Variants in GNAQ observed in about 807,000 individuals in gnomAD.
The protein encoded by GNAQ is guanine nucleotide-binding protein G(q) subunit alpha.
In GNAQ, 8 loss-of-function variants were observed where a neutral mutation model predicts 43.9. The ratio of observed to expected loss-of-function variants is 0.18; its 90% CI spans 0.11 to 0.33. The LOEUF (loss-of-function observed/expected upper bound fraction) is 0.33, where lower values mean the gene tolerates loss of function less well. GNAQ is among the 10% of genes least tolerant of loss of function. The probability of loss-of-function intolerance (pLI) is 1.00; values close to 1 mark genes in which losing one functional copy is unlikely to be tolerated. For synonymous variants in GNAQ, 155 were observed against 170.7 expected (o/e 0.91, Z 0.71); for missense variants, 158 against 450.8 (o/e 0.35, Z 5.88).
chr9:77,726,399 T>C (rs1825397126), intron 6 of GNAQ, among the ~76,000 whole-genome samples: 1 of 152,228 alleles, frequency 6.6e-6, no homozygotes, highest in Non-Finnish European at 1.5e-5. Context: ...ACCTTCAGGA[T>C]CTTACATGTA....
At chr9:77,737,996 A>G (rs1345533257) in intron 5 of GNAQ, among the ~76,000 whole-genome samples, 2 of 152,152 alleles carry the variant, frequency 1.3e-5, no homozygotes, top group African/African-American at 4.8e-5. Context: ...TTTTTTGAGT[A>G]TCACTAGTGA....
chr9:77,760,808 CT>C (rs1825990503), intron 5 of GNAQ, among the ~76,000 whole-genome samples: 1 of 151,386 alleles, frequency 6.6e-6, no homozygotes, highest in African/African-American at 2.4e-5. Flanking sequence ...TGAGGAGCGT[CT>C]CTGCCCAGCC....
At chr9:77,867,513 T>C (rs887781496) in intron 2 of GNAQ, among the ~76,000 whole-genome samples, 2 of 152,216 alleles carry the variant, frequency 1.3e-5, no homozygotes, top group African/African-American at 2.4e-5. Flanking sequence ...TATTAAGTGA[T>C]TGATTTAAAA....
intron 5 of GNAQ, among the ~76,000 whole-genome samples, chr9:77,784,486 T>C (rs1361797827): frequency 6.6e-6 from 1 of 152,178 alleles, no homozygotes; most frequent in African/African-American, 2.4e-5. Context: ...TTTCAGTGTA[T>C]TCAGAATTGA....
intron 1 of GNAQ, among the ~76,000 whole-genome samples, chr9:78,026,172 A>C (rs1823977396): frequency 6.6e-6 from 1 of 152,204 alleles, no homozygotes; most frequent in African/African-American, 2.4e-5. Flanking sequence ...ATGTGAATAG[A>C]TAAACCTGCA....
intron 2 of GNAQ, among the ~76,000 whole-genome samples, chr9:77,855,100 C>A (rs554888690): frequency 9.9e-5 from 15 of 152,124 alleles, no homozygotes; most frequent in South Asian, 4.1e-4. Flanking sequence ...TTGTTTCAAG[C>A]CTTAAAGAAA....
intron 2 of GNAQ, among the ~76,000 whole-genome samples, chr9:77,906,729 T>A (rs563253006): frequency 6.6e-6 from 1 of 152,378 alleles, no homozygotes; most frequent in East Asian, 1.9e-4. Flanking sequence ...TTCCACTAAT[T>A]GCAAATATTA....
chr9:77,865,522 G>T (rs369344806), intron 2 of GNAQ, among the ~76,000 whole-genome samples: 2 of 152,186 alleles, frequency 1.3e-5, no homozygotes, highest in African/African-American at 4.8e-5. Flanking sequence ...AGTCCATGGA[G>T]CTGTTATATG....
chr9:77,991,977 A>G (rs1823513598), intron 1 of GNAQ, among the ~76,000 whole-genome samples: 1 of 152,214 alleles, frequency 6.6e-6, no homozygotes, highest in African/African-American at 2.4e-5. Flanking sequence ...GCTAATGGGC[A>G]TTAAGGCTGG....
Position 77,815,598 on chromosome 9 carries a change from A to G in GNAQ, c.476+18T>C. ...AGTAAAGAGAAAAATCCATAGGGCCACCTGGAAAGATACTCACTATTTGGT... is the reference window on the plus strand; with the variant it reads ...AGTAAAGAGAAAAATCCATAGGGCCGCCTGGAAAGATACTCACTATTTGGT... On this transcript the variant is annotated intron_variant, in intron 3 of 6. Transcript: ENST00000286548. 1 of 1,561,588 alleles carries G rather than the reference A, an allele frequency of 6.4e-7. No homozygotes were observed.
At chr9:77,766,052 ATGG>A (rs1404896292) in intron 5 of GNAQ, among the ~76,000 whole-genome samples, 1 of 152,220 alleles carries the variant, frequency 6.6e-6, no homozygotes, top group East Asian at 1.9e-4. Context: ...TAGAGATAGA[ATGG>A]TGGTTGTGGG....
At chr9:77,769,933 T>C (rs1353581760) in intron 5 of GNAQ, among the ~76,000 whole-genome samples, 1 of 152,140 alleles carries the variant, frequency 6.6e-6, no homozygotes, top group Non-Finnish European at 1.5e-5. Flanking sequence ...CCCAAAGTGC[T>C]GGGATTACAG....
chr9:77,811,722 A>T (rs1157332832), intron 3 of GNAQ, among the ~76,000 whole-genome samples: 2 of 152,190 alleles, frequency 1.3e-5, no homozygotes, highest in African/African-American at 4.8e-5. Flanking sequence ...GACGGTGAAG[A>T]ATAAAGTAAG....
chr9:78,022,407 T>C (rs1426721804), intron 1 of GNAQ, among the ~76,000 whole-genome samples: 1 of 152,158 alleles, frequency 6.6e-6, no homozygotes, highest in African/African-American at 2.4e-5. Flanking sequence ...GTTAGTTATG[T>C]GGGAAAAAAA....
chr9:77,793,528 T>G (rs1826609260), intron 5 of GNAQ, among the ~76,000 whole-genome samples: 1 of 152,172 alleles, frequency 6.6e-6, no homozygotes, highest in Non-Finnish European at 1.5e-5. Context: ...CTAAAAAATG[T>G]ACTGTATTAA....
chr9:78,020,385 C>T (rs1458554785), intron 1 of GNAQ, among the ~76,000 whole-genome samples: 1 of 152,100 alleles, frequency 6.6e-6, no homozygotes, highest in Admixed American at 6.5e-5. Context: ...AAGGGTTTTT[C>T]TCGGGACACA....
chr9:77,787,095 T>C (rs767609422), intron 5 of GNAQ, among the ~76,000 whole-genome samples: 2 of 152,222 alleles, frequency 1.3e-5, no homozygotes, highest in Non-Finnish European at 2.9e-5. Flanking sequence ...CTCTTTGCTA[T>C]TCTTTATAAA....
intron 1 of GNAQ, among the ~76,000 whole-genome samples, chr9:78,014,559 T>C (rs1823814093): frequency 6.6e-6 from 1 of 152,058 alleles, no homozygotes; most frequent in African/African-American, 2.4e-5. Context: ...TGAGCCGAGA[T>C]AGCGCCACTG....
intron 5 of GNAQ, among the ~76,000 whole-genome samples, chr9:77,760,231 T>TCCCTCC (rs1825972492): frequency 6.8e-6 from 1 of 146,664 alleles, no homozygotes; most frequent in Non-Finnish European, 1.5e-5. Flanking sequence ...CCTCTCCCTC[T>TCCCTCC]CCCCACGGTC....
Sources: gnomAD v4.1 joint callset for allele counts (sites outside exome capture counted in the v4.1 genomes callset) on GRCh38, gnomAD v4.1.1 for gene constraint, MANE v1.5 for transcripts, NCBI Gene and HGNC (gene_info 2026-07-23, HGNC 2026-07-21) for gene names.